PLGRKT: variants seen among roughly 807,000 people sequenced by gnomAD.
The protein encoded by PLGRKT is plasminogen receptor (KT).
PLGRKT carries 22 observed loss-of-function variants against 18.5 expected under a neutral mutation model. That is an observed-to-expected ratio of 1.19 (90% CI 0.85 to 1.70). PLGRKT has a LOEUF of 1.70. Ranked by LOEUF, PLGRKT falls within the 40% of genes most tolerant of loss-of-function variation. PLGRKT has a pLI of 0.00. For synonymous variants in PLGRKT, 72 were observed against 52.8 expected, an observed-to-expected ratio of 1.36 and a Z score of -1.58; for missense variants, 235 against 174.4, an observed-to-expected ratio of 1.35 and a Z score of -1.96.
At chr9:5,426,862 C>G (rs907767228) in intron 3 of PLGRKT, among the ~76,000 whole-genome samples, 2 of 152,172 alleles carry the variant, frequency 1.3e-5, no homozygotes, top group Non-Finnish European at 2.9e-5. Flanking sequence ...TCAGCTATGT[C>G]ACAAACCCAA....
chr9:5,358,457 G>A (rs1032966878), intron 5 of PLGRKT, 97 bp from the exon 6 acceptor site: 43 of 995,366 alleles, frequency 4.3e-5, no homozygotes, highest in Non-Finnish European at 6.1e-5. Context: ...CTCTAACACC[G>A]TATGAGCCAT....
chr9:5,437,347 G>C (rs1818979929), intron 1 of PLGRKT, among the ~76,000 whole-genome samples: 2 of 152,216 alleles, frequency 1.3e-5, no homozygotes, highest in South Asian at 4.1e-4. Context: ...ATGACTGATC[G>C]TCTCACCACA....
At chr9:5,436,387 C>G (rs1818960468) in intron 2 of PLGRKT, among the ~76,000 whole-genome samples, 182 bp downstream of exon 2, 1 of 152,202 alleles carries the variant, frequency 6.6e-6, no homozygotes. Context: ...CTGCTGCAAA[C>G]ATTTATAAAG....
At chr9:5,374,217 T>A (rs1817583335) in intron 3 of PLGRKT, among the ~76,000 whole-genome samples, 9 of 152,200 alleles carry the variant, frequency 5.9e-5, no homozygotes, top group Admixed American at 5.9e-4. Context: ...GAACCAAGTC[T>A]CCTATCTGCA....
chr9:5,393,664 T>A lies in PLGRKT; in HGVS notation c.82-31776A>T, dbSNP rs537955854. ...GCTGCTCATTTTCAATCTTTTGGAATCAGAAATTCTCTTACTAGTTTGTAG... is the reference window on the plus strand; with the variant it reads ...GCTGCTCATTTTCAATCTTTTGGAAACAGAAATTCTCTTACTAGTTTGTAG... On this transcript the variant is annotated intron_variant, in intron 3 of 5. Coordinates refer to ENST00000223864, the MANE Select transcript of PLGRKT (RefSeq NM_018465.4). 2.6e-5 allele frequency among the ~76,000 whole-genome samples: 4 copies of A among 152,002 alleles called. No homozygotes were observed. In the South Asian group the frequency reaches 6.2e-4, roughly 24 times the overall value.
chr9:5,418,867 C>A lies in PLGRKT; in HGVS notation c.81+13030G>T. 9.7e-7 allele frequency: 1 copy of A among 1,028,532 alleles called. No individual in the cohort carries two copies. Among genetic ancestry groups the A allele is most frequent in the Non-Finnish European group, 1.5e-6 (1 of 659,364 alleles). The allele number at this position is 1,028,532 out of a possible 1,614,324, so 63.7% of individuals were successfully genotyped here. A position where few individuals can be genotyped will look rare whatever the true frequency, so the allele number is the denominator to read the frequency against. ...CTGGCTGGTCCTCGTCTGCTGGAGGCAAACTGAACAGCAGGTGTGCTTGCA... is the reference window on the plus strand; with the variant it reads ...CTGGCTGGTCCTCGTCTGCTGGAGGAAAACTGAACAGCAGGTGTGCTTGCA... On this transcript the variant is annotated intron_variant, in intron 3 of 5. Transcript: ENST00000223864. The surrounding 1 kb of genome is among the most constrained non-coding windows in gnomAD (Gnocchi z 4.2).
intron 3 of PLGRKT, chr9:5,382,148 T>G: frequency 2.9e-6 from 1 of 340,868 alleles, no homozygotes; most frequent in Non-Finnish European, 4.2e-6. Context: ...TCTCTATTCA[T>G]TCCCTCACTT....
intron 3 of PLGRKT, among the ~76,000 whole-genome samples, chr9:5,376,050 C>T (rs997881625): frequency 1.3e-5 from 2 of 152,176 alleles, no homozygotes; most frequent in Non-Finnish European, 2.9e-5. Context: ...CACATACAAC[C>T]ACATGGATGA....
At chr9:5,360,946 G>C (rs112273671) in intron 5 of PLGRKT, 132 bp downstream of exon 5, 7 of 590,120 alleles carry the variant, frequency 1.2e-5, no homozygotes, top group African/African-American at 3.8e-5. Context: ...AAAGGGAGCA[G>C]AAATGTTGCT....
intron 2 of PLGRKT, among the ~76,000 whole-genome samples, chr9:5,434,080 T>G (rs1818902270): frequency 7.2e-6 from 1 of 138,266 alleles, no homozygotes; most frequent in African/African-American, 2.8e-5. Flanking sequence ...ATCTGGGAAG[T>G]GAGGAGTGCC....
chr9:5,372,449 C>G (rs1238771322), intron 3 of PLGRKT, among the ~76,000 whole-genome samples: 1 of 152,200 alleles, frequency 6.6e-6, no homozygotes, highest in African/African-American at 2.4e-5. Context: ...TTGAACAGAA[C>G]AAGATTGATT....
At chr9:5,424,549 TG>T (rs1818648684) in intron 3 of PLGRKT, among the ~76,000 whole-genome samples, 1 of 133,130 alleles carries the variant, frequency 7.5e-6, no homozygotes, top group Non-Finnish European at 1.5e-5. Context: ...TATGTTAATA[TG>T]TTTATATAAT....
At chr9:5,402,053 T>C (rs1818165523) in intron 3 of PLGRKT, among the ~76,000 whole-genome samples, 1 of 151,928 alleles carries the variant, frequency 6.6e-6, no homozygotes, top group African/African-American at 2.4e-5. Context: ...GAGCATCAAA[T>C]TCAATCTAAA....
chr9:5,374,784 C>T (rs1441242009), intron 3 of PLGRKT, among the ~76,000 whole-genome samples: 1 of 152,142 alleles, frequency 6.6e-6, no homozygotes, highest in Non-Finnish European at 1.5e-5. Context: ...TTATCCATTT[C>T]TGGAAAATAA....
chr9:5,410,342 C>T (rs1586733414), intron 3 of PLGRKT, among the ~76,000 whole-genome samples: 2 of 151,958 alleles, frequency 1.3e-5, no homozygotes, highest in East Asian at 1.9e-4. Context: ...TTAAGACCAG[C>T]CTAGGCAACA....
In PLGRKT at chr9:5,361,194, C is replaced by G; in HGVS notation, c.213-7G>C. The G allele has an allele frequency of 6.5e-7, 1 of 1,548,116 alleles. No individual in the cohort carries two copies. The highest frequency in any genetic ancestry group is 8.9e-7 in the Non-Finnish European group (1 of 1,127,354). Reference sequence around the variant, plus strand: ...CTTCTTTTTTTTAATCGCTCTGTTTCAAGAATTAAAAGAAGAACCAATATC... The same window carrying G: ...CTTCTTTTTTTTAATCGCTCTGTTTGAAGAATTAAAAGAAGAACCAATATC... On this transcript the variant is annotated splice_region_variant and splice_polypyrimidine_tract_variant and intron_variant, in intron 4 of 5. Transcript: ENST00000223864.
At position 5,393,540 on chromosome 9, in the gene PLGRKT, T is replaced by C. The variant is rs181739215; in HGVS notation, c.82-31652A>G. Among the ~76,000 whole-genome samples, 22 of 152,030 alleles carry C rather than the reference T, an allele frequency of 1.4e-4. 1 individual carries two copies. Among genetic ancestry groups the C allele is most frequent in the African/African-American group, 5.3e-4 (22 of 41,306 alleles). On this transcript the variant is annotated intron_variant, in intron 3 of 5. Transcript: ENST00000223864. ...TAAGGTCTCTCAACATTAGTCATTT[T>C]ACTCAGCAACAAATATGGACCTTCT...
At chr9:5,362,321 T>C (rs1050065644) in intron 3 of PLGRKT, among the ~76,000 whole-genome samples, 6 of 152,200 alleles carry the variant, frequency 3.9e-5, no homozygotes, top group Non-Finnish European at 7.3e-5. Context: ...ATTTATTTGC[T>C]CCATATCATA....
chr9:5,420,778 T>C (rs1395740687), intron 3 of PLGRKT, among the ~76,000 whole-genome samples: 1 of 152,196 alleles, frequency 6.6e-6, no homozygotes, highest in East Asian at 1.9e-4. Context: ...AAGCACACAC[T>C]GCACTTTCTT....
Sources: gnomAD v4.1 joint callset for allele counts (sites outside exome capture counted in the v4.1 genomes callset) on GRCh38, gnomAD v4.1.1 for gene constraint, Gnocchi (gnomAD v3.1) non-coding constraint, MANE v1.5 for transcripts, NCBI Gene and HGNC (gene_info 2026-07-23, HGNC 2026-07-21) for gene names.